Variants in CDK8 observed in about 807,000 individuals in gnomAD.
CDK8 encodes the protein cyclin dependent kinase 8, also known as cyclin-dependent kinase 8.
In CDK8, 29 loss-of-function variants were observed where a neutral mutation model predicts 71.5. The ratio of observed to expected loss-of-function variants is 0.41; its 90% CI spans 0.30 to 0.55. The LOEUF (loss-of-function observed/expected upper bound fraction) is 0.55, where lower values mean the gene tolerates loss of function less well. Among genes scored for constraint, CDK8 ranks in the 20% least tolerant of loss-of-function variants. The pLI is 0.37. For synonymous variants in CDK8, 161 were observed against 192.1 expected (o/e 0.84, Z 1.34); for missense variants, 288 against 572.6 (o/e 0.50, Z 5.07).
chr13:26,304,275 G>GA (rs930149548), intron 1 of CDK8, among the ~76,000 whole-genome samples: 1 of 148,604 alleles, frequency 6.7e-6, no homozygotes, highest in Non-Finnish European at 1.5e-5. Context: ...AAAAAAAAAA[G>GA]AAAAAAAAGA....
At chr13:26,304,970 A>G (rs1873981372) in intron 1 of CDK8, among the ~76,000 whole-genome samples, 1 of 152,118 alleles carries the variant, frequency 6.6e-6, no homozygotes, top group Non-Finnish European at 1.5e-5. Flanking sequence ...GCTTGGCCTG[A>G]CGATTATATT....
chr13:26,316,548 A>G (rs1262317084), intron 1 of CDK8, among the ~76,000 whole-genome samples: 2 of 152,134 alleles, frequency 1.3e-5, no homozygotes, highest in Non-Finnish European at 2.9e-5. Flanking sequence ...AACTGCATAT[A>G]TGGGAAGTAT....
intron 1 of CDK8, among the ~76,000 whole-genome samples, chr13:26,291,164 G>A (rs1873281605): frequency 6.6e-6 from 1 of 151,770 alleles, no homozygotes; most frequent in African/African-American, 2.4e-5. Context: ...CAAATACTGT[G>A]TTACAGTTGT....
chr13:26,398,717 T>C (rs1388093194), intron 9 of CDK8, among the ~76,000 whole-genome samples: 2 of 152,158 alleles, frequency 1.3e-5, no homozygotes, highest in East Asian at 3.9e-4. Flanking sequence ...CTCACGCCTG[T>C]GATCCCAGCA....
At chr13:26,388,701 T>C (rs1875596325) in intron 6 of CDK8, among the ~76,000 whole-genome samples, 1 of 152,232 alleles carries the variant, frequency 6.6e-6, no homozygotes, top group South Asian at 2.1e-4. Context: ...AAGATTTATA[T>C]AACCTTTTAC....
At chr13:26,331,052 C>T (rs1875293227) in intron 1 of CDK8, among the ~76,000 whole-genome samples, 1 of 152,114 alleles carries the variant, frequency 6.6e-6, no homozygotes, top group Non-Finnish European at 1.5e-5. Flanking sequence ...GTTTACATTC[C>T]CAGCCACCAT....
rs1355438012 is a variant in CDK8, at chr13:26,401,239, A to G, written c.1032-30A>G. 1 of 1,539,954 alleles carries G rather than the reference A, an allele frequency of 6.5e-7. No individual in the cohort carries two copies. Among genetic ancestry groups the G allele is most frequent in the Non-Finnish European group, 9.0e-7 (1 of 1,115,532 alleles). On this transcript the variant is annotated intron_variant, in intron 10 of 12. Transcript: ENST00000381527. This position sits in a 1 kb window ranked among gnomAD's most constrained non-coding sequence, Gnocchi z 4.5. ...CATTTGGAATATTGATTAGTATACCAGAAATGGTTTTTCTTTTTCTTATGA... is the reference window on the plus strand; with the variant it reads ...CATTTGGAATATTGATTAGTATACCGGAAATGGTTTTTCTTTTTCTTATGA...
At chr13:26,366,665 AATAG>A (rs919308539) in intron 4 of CDK8, among the ~76,000 whole-genome samples, 1 of 152,184 alleles carries the variant, frequency 6.6e-6, no homozygotes, top group Non-Finnish European at 1.5e-5. Flanking sequence ...TCTGTTCCCA[AATAG>A]ATGTGTGAAT....
chr13:26,300,793 A>G (rs1023352899), intron 1 of CDK8, among the ~76,000 whole-genome samples: 4 of 152,220 alleles, frequency 2.6e-5, no homozygotes, highest in African/African-American at 7.2e-5. Flanking sequence ...CAAAGCAAAC[A>G]GGTATTGATT....
intron 6 of CDK8, among the ~76,000 whole-genome samples, chr13:26,389,585 A>G (rs543675113): frequency 3.9e-5 from 6 of 152,310 alleles, no homozygotes; most frequent in African/African-American, 1.2e-4. Flanking sequence ...TGGTGATTCC[A>G]ACCCACACCG....
At chr13:26,266,745 G>A (rs558498381) in intron 1 of CDK8, among the ~76,000 whole-genome samples, 4 of 152,322 alleles carry the variant, frequency 2.6e-5, no homozygotes, top group Admixed American at 2.0e-4. Context: ...GCAAAGCAAT[G>A]AAAAGCATCA....
intron 1 of CDK8, among the ~76,000 whole-genome samples, chr13:26,307,262 A>G (rs1408765138): frequency 6.6e-5 from 10 of 152,262 alleles, no homozygotes; most frequent in Non-Finnish European, 1.3e-4. Context: ...CAGAAGAGGA[A>G]GATTATTCTG....
intron 1 of CDK8, among the ~76,000 whole-genome samples, chr13:26,264,265 C>T (rs1871923008): frequency 6.6e-6 from 1 of 151,464 alleles, no homozygotes; most frequent in African/African-American, 2.4e-5. Context: ...AGCTGCCGTT[C>T]TTTTTTTTCT....
chr13:26,267,434 T>C (rs1469028369), intron 1 of CDK8, among the ~76,000 whole-genome samples: 2 of 152,250 alleles, frequency 1.3e-5, no homozygotes, highest in African/African-American at 2.4e-5. Flanking sequence ...TTACCTCAGA[T>C]TGAGCTTCCA....
chr13:26,324,790 C>T, intron 1 of CDK8: 1 of 879,608 alleles, frequency 1.1e-6, no homozygotes, highest in Non-Finnish European at 1.4e-6. Context: ...AGGCAAATGA[C>T]TTTGGGAAGA....
At chr13:26,380,336 C>T (rs977097626) in intron 4 of CDK8, among the ~76,000 whole-genome samples, 7 of 152,014 alleles carry the variant, frequency 4.6e-5, no homozygotes, top group South Asian at 2.1e-4. Flanking sequence ...CGCACCACCA[C>T]GCCCAGCTAA....
rs552328265 is a variant in CDK8, at chr13:26,368,849, A to T, written c.457-13965A>T. On this transcript the variant is annotated intron_variant, in intron 4 of 12. Coordinates refer to ENST00000381527, the MANE Select transcript of CDK8 (RefSeq NM_001260.3). ...GGATGATCATATGGTTATTTCCTTT[A>T]ATCCATTAATGTGGTAAATTACATT... is the stretch of plus-strand genomic sequence containing the variant. Among the ~76,000 whole-genome samples, 131 of 152,278 alleles carry T rather than the reference A, an allele frequency of 8.6e-4. 1 individual carries two copies. The highest frequency in any genetic ancestry group is 3.1e-3 in the African/African-American group (127 of 41,554).
chr13:26,343,377 G>A (rs1873323258), intron 2 of CDK8, among the ~76,000 whole-genome samples: 1 of 151,916 alleles, frequency 6.6e-6, no homozygotes, highest in East Asian at 1.9e-4. Flanking sequence ...GTAAATATGT[G>A]GAATAAACAT....
At chr13:26,356,324 C>A (rs1873895977) in intron 4 of CDK8, among the ~76,000 whole-genome samples, 1 of 152,184 alleles carries the variant, frequency 6.6e-6, no homozygotes, top group African/African-American at 2.4e-5. Context: ...ACTCCTCCAT[C>A]CCTCTTGCCA....
Sources: allele counts gnomAD v4.1 joint callset (sites outside exome capture counted in the v4.1 genomes callset), GRCh38; gene constraint gnomAD v4.1.1; non-coding constraint Gnocchi (gnomAD v3.1); transcripts MANE v1.5; gene names NCBI Gene and HGNC (gene_info 2026-07-23, HGNC 2026-07-21).